The following GRM3 variants were observed in gnomAD, a reference collection of about 807,000 sequenced individuals.
The protein encoded by GRM3 is metabotropic glutamate receptor 3.
Under a neutral mutation model 70.5 loss-of-function variants are expected in GRM3, and 26 were observed. The observed-to-expected ratio is 0.37, with a 90% CI of 0.27 to 0.51. The LOEUF is 0.51. Ranked by LOEUF, GRM3 falls within the 20% of genes least tolerant of loss-of-function variation. The pLI, the probability that GRM3 is intolerant of heterozygous loss-of-function variation, is 0.93. For missense variants in GRM3, 859 were observed against 1,123.8 expected, an observed-to-expected ratio of 0.76 and a Z score of 3.37; for synonymous variants, 443 against 434.9, an observed-to-expected ratio of 1.02 and a Z score of -0.23.
At chr7:86,709,740 A>G (rs1353422085) in intron 1 of GRM3, among the ~76,000 whole-genome samples, 1 of 152,126 alleles carries the variant, frequency 6.6e-6, no homozygotes, top group Non-Finnish European at 1.5e-5. Context: ...TAAATTGTAC[A>G]GATCTAGGAA....
intron 3 of GRM3, among the ~76,000 whole-genome samples, chr7:86,818,523 C>G (rs1798059652): frequency 6.6e-6 from 1 of 152,024 alleles, no homozygotes; most frequent in Non-Finnish European, 1.5e-5. Context: ...TCAGTAAGAA[C>G]CCATTTCATT....
intron 1 of GRM3, among the ~76,000 whole-genome samples, chr7:86,700,180 C>T (rs1435336574): frequency 1.3e-5 from 2 of 151,846 alleles, no homozygotes; most frequent in African/African-American, 2.4e-5. Flanking sequence ...TAAAAAATAA[C>T]GATCTTAGAG....
chr7:86,725,480 C>A (rs1017162064), intron 1 of GRM3, among the ~76,000 whole-genome samples: 6 of 152,134 alleles, frequency 3.9e-5, no homozygotes, highest in Non-Finnish European at 5.9e-5. Flanking sequence ...CTTTCATAAC[C>A]TAGCCTCAAA....
At chr7:86,755,418 T>C (rs1796320608) in intron 1 of GRM3, among the ~76,000 whole-genome samples, 1 of 152,094 alleles carries the variant, frequency 6.6e-6, no homozygotes, top group Non-Finnish European at 1.5e-5. Flanking sequence ...CTAAAGACCC[T>C]ACTGTGCCAG....
intron 2 of GRM3, among the ~76,000 whole-genome samples, chr7:86,779,419 TGC>T (rs1796983543): frequency 6.6e-6 from 1 of 152,008 alleles, no homozygotes; most frequent in South Asian, 2.1e-4. Flanking sequence ...TGTGCACACG[TGC>T]GCACACACAC....
intron 3 of GRM3, among the ~76,000 whole-genome samples, chr7:86,817,404 A>G (rs1459704024): frequency 6.6e-6 from 1 of 151,970 alleles, no homozygotes; most frequent in Non-Finnish European, 1.5e-5. Flanking sequence ...ATCAAAGCCG[A>G]GCTACAATTC....
chr7:86,861,407 G>A (rs892841352), intron 5 of GRM3, among the ~76,000 whole-genome samples: 3 of 152,122 alleles, frequency 2.0e-5, no homozygotes, highest in African/African-American at 4.8e-5. Flanking sequence ...CTAGTCAAGG[G>A]TATAGGATGC....
At chr7:86,718,811 TG>T in intron 1 of GRM3, among the ~76,000 whole-genome samples, 1 of 152,070 alleles carries the variant, frequency 6.6e-6, no homozygotes, top group Non-Finnish European at 1.5e-5. Flanking sequence ...TAAACATTAC[TG>T]AAAAAAACTT....
At chr7:86,793,497 T>C (rs370448801) in intron 3 of GRM3, among the ~76,000 whole-genome samples, 36 of 152,244 alleles carry the variant, frequency 2.4e-4, no homozygotes, top group African/African-American at 7.7e-4. Flanking sequence ...CAGAAACTTG[T>C]TCCAGCTCTG....
At chr7:86,663,777 A>G (rs1793956626) in intron 1 of GRM3, among the ~76,000 whole-genome samples, 1 of 152,000 alleles carries the variant, frequency 6.6e-6, no homozygotes. Flanking sequence ...TGAGGGAGAC[A>G]GAATAATCAT....
At chr7:86,696,080 G>T (rs1794809886) in intron 1 of GRM3, among the ~76,000 whole-genome samples, 1 of 152,134 alleles carries the variant, frequency 6.6e-6, no homozygotes. Flanking sequence ...GTTAATTCCT[G>T]GCCTTCTATT....
chr7:86,802,688 A>G lies in GRM3; in HGVS notation c.1324+15572A>G, dbSNP rs1473486766. Among the ~76,000 whole-genome samples the G allele has an allele frequency of 2.0e-5, 3 of 151,862 alleles. No individual in the cohort carries two copies. In the South Asian group the frequency reaches 6.2e-4, roughly 32 times the overall value. Reference sequence around the variant, plus strand: ...CTCTTCCCTATCACACCATTCTCTCACTCTAATTACAAACCTCCATATATT... The same window carrying G: ...CTCTTCCCTATCACACCATTCTCTCGCTCTAATTACAAACCTCCATATATT... On this transcript the variant is annotated intron_variant, in intron 3 of 5. Transcript: ENST00000361669.
At chr7:86,815,231 G>C (rs186493663) in intron 3 of GRM3, among the ~76,000 whole-genome samples, 19 of 151,728 alleles carry the variant, frequency 1.3e-4, no homozygotes, top group African/African-American at 2.4e-5. Context: ...ACTTACAGGA[G>C]CTTGCCTTCA....
In GRM3 at chr7:86,782,159, T is replaced by C. The variant is rs144430965; in HGVS notation, c.469-4102T>C. Reference sequence around the variant, plus strand: ...CATTTATATTTCTTCTTGATTTATATATCCAGAATTTGTCCTTCCTCCTTC... The same window carrying C: ...CATTTATATTTCTTCTTGATTTATACATCCAGAATTTGTCCTTCCTCCTTC... On this transcript the variant is annotated intron_variant, in intron 2 of 5. Coordinates refer to ENST00000361669, the MANE Select transcript of GRM3 (RefSeq NM_000840.3). Among the ~76,000 whole-genome samples the C allele has an allele frequency of 5.8e-3, 881 of 152,136 alleles. 7 individuals carry two copies. Among genetic ancestry groups the C allele is most frequent in the Middle Eastern group, 0.01 (3 of 294 alleles).
chr7:86,855,154 A>G (rs1798823146), intron 5 of GRM3, among the ~76,000 whole-genome samples: 1 of 152,218 alleles, frequency 6.6e-6, no homozygotes, highest in African/African-American at 2.4e-5. Context: ...CTCTAGAAGC[A>G]AAAGAGATTC....
intron 1 of GRM3, among the ~76,000 whole-genome samples, chr7:86,668,389 ATTC>A (rs1794085603): frequency 6.6e-6 from 1 of 152,106 alleles, no homozygotes; most frequent in Non-Finnish European, 1.5e-5. Flanking sequence ...TAGGGAAATA[ATTC>A]TTCTTTCATT....
At chr7:86,760,490 G>A (rs1012702034) in intron 1 of GRM3, among the ~76,000 whole-genome samples, 1 of 152,072 alleles carries the variant, frequency 6.6e-6, no homozygotes, top group Non-Finnish European at 1.5e-5. Flanking sequence ...GAATGTGGCT[G>A]CAGTAGGGAG....
chr7:86,841,238 T>G (rs6465088), intron 4 of GRM3, among the ~76,000 whole-genome samples: 56,629 of 152,080 alleles, frequency 0.37, 13,230 homozygotes, highest in African/African-American at 0.67. Flanking sequence ...ATTGTATCTA[T>G]TCGCTGTAAA....
intron 1 of GRM3, among the ~76,000 whole-genome samples, chr7:86,652,408 G>T (rs1011252976): frequency 3.9e-5 from 6 of 152,146 alleles, no homozygotes; most frequent in African/African-American, 1.2e-4. Context: ...TCGGCTCACT[G>T]CAACTTCCGC....
Sources: gnomAD v4.1 joint callset for allele counts (sites outside exome capture counted in the v4.1 genomes callset) on GRCh38, gnomAD v4.1.1 for gene constraint, MANE v1.5 for transcripts, NCBI Gene and HGNC (gene_info 2026-07-23, HGNC 2026-07-21) for gene names.